The following STRA8 variants were observed in gnomAD, a reference collection of about 807,000 sequenced individuals.
STRA8 encodes stimulated by retinoic acid gene 8 protein homolog.
In STRA8, 18 loss-of-function variants were observed where a neutral mutation model predicts 37.1. That is an observed-to-expected ratio of 0.48 (90% confidence interval 0.34 to 0.72). The LOEUF (loss-of-function observed/expected upper bound fraction) is 0.72, where lower values mean the gene tolerates loss of function less well. STRA8 is among the 30% of genes least tolerant of loss of function. STRA8 has a pLI of 0.01. For missense variants in STRA8, 357 were observed against 410.4 expected, an observed-to-expected ratio of 0.87 and a Z score of 1.13; for synonymous variants, 168 against 162.9, an observed-to-expected ratio of 1.03 and a Z score of -0.24.
At chr7:135,247,869 G>T (rs754325373) in intron 6 of STRA8, among the ~76,000 whole-genome samples, 19 of 152,222 alleles carry the variant, frequency 1.2e-4, no homozygotes, top group Non-Finnish European at 2.2e-4. Context: ...CCAGTATGAG[G>T]ACGGCCTCAG....
intron 1 of STRA8, among the ~76,000 whole-genome samples, chr7:135,239,568 C>G (rs1049645647): frequency 2.0e-5 from 3 of 152,192 alleles, no homozygotes; most frequent in Non-Finnish European, 2.9e-5. Context: ...GACGAAGTCG[C>G]AGCCTCCCTG....
intron 1 of STRA8, among the ~76,000 whole-genome samples, chr7:135,234,780 A>G (rs1467203414): frequency 6.6e-6 from 1 of 152,270 alleles, no homozygotes; most frequent in African/African-American, 2.4e-5. Context: ...GAAGGTATCA[A>G]CGAAGCTGCC....
At chr7:135,250,141 C>G (rs962264284) in intron 6 of STRA8, among the ~76,000 whole-genome samples, 2 of 152,186 alleles carry the variant, frequency 1.3e-5, no homozygotes, top group African/African-American at 2.4e-5. Flanking sequence ...GTCAGATGGG[C>G]CCAGGAGGCT....
At chr7:135,244,594 G>A (rs1460739993) in intron 4 of STRA8, among the ~76,000 whole-genome samples, 2 of 152,124 alleles carry the variant, frequency 1.3e-5, no homozygotes, top group East Asian at 3.9e-4. Context: ...TGTAAATGAT[G>A]CTTTTTAAAA....
In STRA8 at chr7:135,252,868, G is replaced by A. The variant is rs140734297; in HGVS notation, c.953+999G>A. Among the ~76,000 whole-genome samples, 909 of 152,142 alleles carry A rather than the reference G, an allele frequency of 6.0e-3. 11 individuals are homozygous for A. The highest frequency in any genetic ancestry group is 0.021 in the African/African-American group (865 of 41,504). ...GTCAGAGGCTCGGTTTTTCACAGAC[G>A]GCACCTTCTGGATAAAATTCACATG... On this transcript the variant is annotated intron_variant, in intron 7 of 8. Coordinates refer to ENST00000662584, the MANE Select transcript of STRA8 (RefSeq NM_001394401.1).
rs1463829789 is a variant in STRA8 at position 135,258,449 on chromosome 7, T to C, written c.1097T>C (p.Ile366Thr). The change falls in exon 9 of 9, where the codon ATC (isoleucine) becomes ACC (threonine). Residue 366 changes from isoleucine to threonine, a missense_variant. By Grantham distance (89) the Ile-to-Thr change is moderately conservative. Coordinates refer to ENST00000662584, the MANE Select transcript of STRA8 (RefSeq NM_001394401.1). ...EASFPVDEEM[I>T]MLQCTETFDD... ...TCCTTTCCCGTTGATGAAGAGATGA[T>C]CATGTTGCAGTGCACAGAGACCTTT... is the stretch of plus-strand genomic sequence containing the variant. 5.6e-6 allele frequency: 9 copies of C among 1,607,202 alleles called. No homozygotes were observed. Among genetic ancestry groups the C allele is most frequent in the Non-Finnish European group, 6.8e-6 (8 of 1,176,756 alleles).
At chr7:135,248,872 G>A (rs1037160140) in intron 6 of STRA8, among the ~76,000 whole-genome samples, 1 of 152,128 alleles carries the variant, frequency 6.6e-6, no homozygotes, top group Non-Finnish European at 1.5e-5. Flanking sequence ...CCCGACCCCC[G>A]AACATGGGTC....
intron 1 of STRA8, among the ~76,000 whole-genome samples, 115 bp downstream of exon 1, chr7:135,234,018 G>T (rs1460582807): frequency 6.6e-6 from 1 of 152,048 alleles, no homozygotes; most frequent in African/African-American, 2.4e-5. Context: ...TTTAGCGCGG[G>T]GTTCACAGGA....
chr7:135,257,152 G>A (rs1157707209), intron 8 of STRA8, among the ~76,000 whole-genome samples: 5 of 152,318 alleles, frequency 3.3e-5, no homozygotes, highest in Non-Finnish European at 7.4e-5. Flanking sequence ...GGCTCAGTTT[G>A]TGGAGGTCGT....
intron 8 of STRA8, 26 bp from the exon 9 acceptor site, chr7:135,258,392 A>G: frequency 6.3e-7 from 1 of 1,577,626 alleles, no homozygotes; most frequent in Non-Finnish European, 8.6e-7. Flanking sequence ...ATAAAAAGTG[A>G]CCCTCTTCCA....
chr7:135,240,650 C>A lies in STRA8; in HGVS notation c.126C>A (p.Thr42=), dbSNP rs1232604676. Residue 42 remains threonine (T), a synonymous_variant, in exon 2 of 9, where the codon ACC becomes ACA. Coordinates refer to ENST00000662584, the MANE Select transcript of STRA8 (RefSeq NM_001394401.1). The part of the protein sequence containing the change: ...RRLSQARHRA[T]LAALFNNLRK... ...TGTCCCAGGCCCGCCACCGAGCCACCCTGGCAGCGCTCTTCAACAACCTCA... is the reference window on the plus strand; with the variant it reads ...TGTCCCAGGCCCGCCACCGAGCCACACTGGCAGCGCTCTTCAACAACCTCA... 6.2e-7 allele frequency: 1 copy of A among 1,614,030 alleles called. No homozygotes were observed. The highest frequency in any genetic ancestry group is 1.7e-5 in the Admixed American group (1 of 59,996).
At chr7:135,242,728 T>C in intron 2 of STRA8, 53 bp from the exon 3 acceptor site, 2 of 1,575,600 alleles carry the variant, frequency 1.3e-6, no homozygotes, top group South Asian at 1.1e-5. Flanking sequence ...GTCCACAAAA[T>C]CAGTCTCTGC....
Position 135,246,309 on chromosome 7 carries a change from G to A in STRA8, c.594-108G>A, listed in dbSNP as rs552044122. 4.2e-6 allele frequency: 6 copies of A among 1,438,964 alleles called. No individual in the cohort carries two copies. In the African/African-American group the frequency reaches 4.3e-5, roughly 10 times the overall value. The allele number at this position is 1,438,964 out of a possible 1,614,324, so 89.1% of individuals were successfully genotyped here. A position where few individuals can be genotyped will look rare whatever the true frequency, so the allele number is the denominator to read the frequency against. ...TGAGAAGTCTCAGCCCTGGTGAGCC[G>A]TGGCGCCGTGGCCGGGCCTGCGTGC... On this transcript the variant is annotated intron_variant, in intron 5 of 8. Transcript: ENST00000662584. The surrounding 1 kb of genome is among the most constrained non-coding windows in gnomAD (Gnocchi z 5.4).
At chr7:135,237,595 A>G (rs1832396294) in intron 1 of STRA8, among the ~76,000 whole-genome samples, 1 of 152,088 alleles carries the variant, frequency 6.6e-6, no homozygotes, top group South Asian at 2.1e-4. Flanking sequence ...GTATTATTAG[A>G]TAAAAAGAGC....
chr7:135,254,970 C>G, intron 7 of STRA8, 144 bp from the exon 8 acceptor site: 2 of 683,972 alleles, frequency 2.9e-6, no homozygotes, highest in Non-Finnish European at 2.6e-6. Context: ...GTAACACAAA[C>G]CTTTCAAGGA....
chr7:135,234,193 G>A (rs911226269), intron 1 of STRA8, among the ~76,000 whole-genome samples: 3 of 151,912 alleles, frequency 2.0e-5, no homozygotes, highest in African/African-American at 7.3e-5. Flanking sequence ...TGCAACCTCC[G>A]CCTCCCGGGT....
At chr7:135,251,696 T>C (rs555761192) in intron 6 of STRA8, 100 bp from the exon 7 acceptor site, 2 of 1,189,156 alleles carry the variant, frequency 1.7e-6, no homozygotes, top group Admixed American at 3.5e-5. Context: ...GGGGTATGTG[T>C]AAAGAGAGAG....
At chr7:135,236,276 GTA>G (rs1182753285) in intron 1 of STRA8, among the ~76,000 whole-genome samples, 3 of 90,314 alleles carry the variant, frequency 3.3e-5, no homozygotes, top group Non-Finnish European at 5.1e-5. Flanking sequence ...ATGTGTGTGT[GTA>G]TGTGTGTGTG....
chr7:135,239,172 T>C (rs745661036), intron 1 of STRA8, among the ~76,000 whole-genome samples: 3 of 152,202 alleles, frequency 2.0e-5, no homozygotes, highest in African/African-American at 4.8e-5. Context: ...AAAGGTGTCT[T>C]CCATCTCCCT....
Sources: allele counts gnomAD v4.1 joint callset (sites outside exome capture counted in the v4.1 genomes callset), GRCh38; gene constraint gnomAD v4.1.1; non-coding constraint Gnocchi (gnomAD v3.1); transcripts MANE v1.5; gene names NCBI Gene and HGNC (gene_info 2026-07-23, HGNC 2026-07-21).